The following HCN1 variants were observed in gnomAD, a reference collection of about 807,000 sequenced individuals.
HCN1 encodes the protein hyperpolarization activated cyclic nucleotide gated potassium channel 1.
Under a neutral mutation model 78.9 loss-of-function variants are expected in HCN1, and 13 were observed. The observed-to-expected ratio is 0.16, with a 90% confidence interval of 0.11 to 0.26. The LOEUF is 0.26. HCN1 is among the 10% of genes least tolerant of loss of function. The pLI is 1.00. For synonymous variants in HCN1, 552 were observed against 455.5 expected (o/e 1.21, Z -2.70); for missense variants, 810 against 1,154.3 (o/e 0.70, Z 4.32).
At chr5:45,418,538 A>G (rs1267706466) in intron 3 of HCN1, among the ~76,000 whole-genome samples, 1 of 151,760 alleles carries the variant, frequency 6.6e-6, no homozygotes, top group Non-Finnish European at 1.5e-5. Flanking sequence ...AAGCAATCTG[A>G]TCCTTTCTAA....
intron 3 of HCN1, among the ~76,000 whole-genome samples, chr5:45,423,001 TTTA>T (rs1256164626): frequency 2.0e-5 from 3 of 152,040 alleles, no homozygotes; most frequent in Non-Finnish European, 2.9e-5. Context: ...TCAATAATCA[TTTA>T]TTATTATTTA....
intron 3 of HCN1, among the ~76,000 whole-genome samples, chr5:45,457,888 C>A (rs1156320523): frequency 6.6e-6 from 1 of 152,142 alleles, no homozygotes; most frequent in East Asian, 1.9e-4. Context: ...GTAATCACCT[C>A]TTACTAGACT....
At chr5:45,351,781 C>T (rs1406941223) in intron 5 of HCN1, among the ~76,000 whole-genome samples, 3 of 150,294 alleles carry the variant, frequency 2.0e-5, no homozygotes, top group Admixed American at 6.6e-5. Context: ...AAAAAATGCT[C>T]ATCATCACTG....
intron 2 of HCN1, chr5:45,558,495 A>C (rs1206116165): frequency 6.6e-6 from 1 of 152,190 alleles, no homozygotes; most frequent in Non-Finnish European, 1.5e-5. Flanking sequence ...TTTTCAATGT[A>C]AATGAAAGAG....
intron 2 of HCN1, among the ~76,000 whole-genome samples, chr5:45,618,266 T>C (rs1305651046): frequency 6.6e-6 from 1 of 151,328 alleles, no homozygotes; most frequent in Non-Finnish European, 1.5e-5. Context: ...TGGTGAGGGG[T>C]GGGGATGAAT....
At chr5:45,688,503 AGCTTTCATT>A (rs1739850172) in intron 1 of HCN1, among the ~76,000 whole-genome samples, 1 of 152,088 alleles carries the variant, frequency 6.6e-6, no homozygotes, top group Admixed American at 6.6e-5. Flanking sequence ...AAAAAATAAG[AGCTTTCATT>A]GCTTTCATCT....
At chr5:45,540,925 A>G (rs1743090748) in intron 2 of HCN1, among the ~76,000 whole-genome samples, 1 of 152,208 alleles carries the variant, frequency 6.6e-6, no homozygotes, top group Admixed American at 6.5e-5. Context: ...TGTCTATAAC[A>G]TGAGGTGAGA....
At chr5:45,332,746 C>CT (rs1197882376) in intron 5 of HCN1, among the ~76,000 whole-genome samples, 1 of 151,608 alleles carries the variant, frequency 6.6e-6, no homozygotes, top group Non-Finnish European at 1.5e-5. Context: ...TGAGGTTTGT[C>CT]TTTTTGTGTC....
intron 5 of HCN1, among the ~76,000 whole-genome samples, chr5:45,346,571 C>T (rs1216825564): frequency 6.6e-6 from 1 of 152,208 alleles, no homozygotes; most frequent in Non-Finnish European, 1.5e-5. Flanking sequence ...CACTACCTCA[C>T]TCAGGAAGCG....
intron 2 of HCN1, among the ~76,000 whole-genome samples, chr5:45,630,818 T>C (rs951949337): frequency 1.3e-5 from 2 of 152,168 alleles, no homozygotes; most frequent in Non-Finnish European, 2.9e-5. Flanking sequence ...AACTGTTTTT[T>C]TTAAATTTTT....
At chr5:45,323,778 T>C (rs1185734425) in intron 5 of HCN1, among the ~76,000 whole-genome samples, 1 of 151,938 alleles carries the variant, frequency 6.6e-6, no homozygotes, top group African/African-American at 2.4e-5. Context: ...TGTGTTCTCA[T>C]TGTTCAGTTC....
At chr5:45,437,437 G>C (rs1002704247) in intron 3 of HCN1, among the ~76,000 whole-genome samples, 1 of 152,052 alleles carries the variant, frequency 6.6e-6, no homozygotes, top group African/African-American at 2.4e-5. Context: ...TCTGGTTCTT[G>C]CCAAATAACC....
intron 2 of HCN1, among the ~76,000 whole-genome samples, chr5:45,617,652 T>G (rs1291004949): frequency 6.6e-6 from 1 of 152,076 alleles, no homozygotes; most frequent in African/African-American, 2.4e-5. Context: ...CAGCCTTAAT[T>G]TCCTTTTGTA....
Position 45,255,113 on chromosome 5 carries a change from T to C in HCN1, c.*6808A>G, listed in dbSNP as rs747234105. The C allele has an allele frequency of 1.3e-5, 2 of 152,230 alleles. No individual in the cohort carries two copies. Among genetic ancestry groups the C allele is most frequent in the South Asian group, 2.1e-4 (1 of 4,838 alleles). 9.4% of individuals were successfully genotyped at this position (152,230 alleles called of 1,614,324 possible). A position where few individuals can be genotyped will look rare whatever the true frequency, so the allele number is the denominator to read the frequency against. Reference sequence around the variant, plus strand: ...AGGAAATTATAATACCTAACACATATTAGTTTTCTCTTCCCTGGTTCTAAC... The same window carrying C: ...AGGAAATTATAATACCTAACACATACTAGTTTTCTCTTCCCTGGTTCTAAC... On this transcript the variant is annotated 3_prime_UTR_variant, in exon 8 of 8. Coordinates refer to ENST00000303230, the MANE Select transcript of HCN1 (RefSeq NM_021072.4).
chr5:45,496,822 C>A (rs959711187), intron 2 of HCN1, among the ~76,000 whole-genome samples: 1 of 151,916 alleles, frequency 6.6e-6, no homozygotes, highest in Non-Finnish European at 1.5e-5. Flanking sequence ...ATCTTTCCTG[C>A]TTTCTCTTGT....
At position 45,255,932 on chromosome 5, in the gene HCN1, T is replaced by G. The variant is rs933919917; in HGVS notation, c.*5989A>C. On this transcript the variant is annotated 3_prime_UTR_variant, in exon 8 of 8. Coordinates refer to ENST00000303230, the MANE Select transcript of HCN1 (RefSeq NM_021072.4). Reference sequence around the variant, plus strand: ...AAAGTCTGAATAACTCTACGTTACCTGAATTCAATTATATAATCTATTGGA... The same window carrying G: ...AAAGTCTGAATAACTCTACGTTACCGGAATTCAATTATATAATCTATTGGA... The G allele has an allele frequency of 1.3e-5, 2 of 152,192 alleles. No individual in the cohort carries two copies. The highest frequency in any genetic ancestry group is 4.8e-5 in the African/African-American group (2 of 41,446). The allele number at this position is 152,192 out of a possible 1,614,324, so 9.4% of individuals were successfully genotyped here.
intron 2 of HCN1, among the ~76,000 whole-genome samples, chr5:45,486,560 T>A (rs1212732998): frequency 6.6e-6 from 1 of 152,126 alleles, no homozygotes; most frequent in Admixed American, 6.6e-5. Flanking sequence ...ATCTTCATCC[T>A]TCATGTGGCC....
At chr5:45,348,899 C>T (rs995488469) in intron 5 of HCN1, among the ~76,000 whole-genome samples, 2 of 152,262 alleles carry the variant, frequency 1.3e-5, no homozygotes, top group Non-Finnish European at 2.9e-5. Context: ...TACAAAGAGA[C>T]TTAGACTCCC....
chr5:45,615,623 G>A (rs1751835416), intron 2 of HCN1, among the ~76,000 whole-genome samples: 1 of 151,746 alleles, frequency 6.6e-6, no homozygotes, highest in African/African-American at 2.4e-5. Context: ...ATAAGCTTAA[G>A]GAATAAAGCT....
Sources: gnomAD v4.1 joint callset for allele counts (sites outside exome capture counted in the v4.1 genomes callset) on GRCh38, gnomAD v4.1.1 for gene constraint, MANE v1.5 for transcripts, NCBI Gene and HGNC (gene_info 2026-07-23, HGNC 2026-07-21) for gene names.